The following TMEM108 variants were observed in gnomAD, a reference collection of about 807,000 sequenced individuals.
TMEM108 encodes transmembrane protein 108, also known as cancer/testis antigen 124.
TMEM108 carries 12 observed loss-of-function variants against 35.1 expected under a neutral mutation model. The ratio of observed to expected loss-of-function variants is 0.34; its 90% CI spans 0.22 to 0.55. The LOEUF is 0.55. Among genes scored for constraint, TMEM108 ranks in the 20% least tolerant of loss-of-function variants. The pLI is 0.89. For synonymous variants in TMEM108, 287 were observed against 308.6 expected, an observed-to-expected ratio of 0.93 and a Z score of 0.73; for missense variants, 680 against 753.3, an observed-to-expected ratio of 0.90 and a Z score of 1.14.
chr3:133,332,642 G>A (rs1559907421), intron 3 of TMEM108, among the ~76,000 whole-genome samples: 2 of 152,076 alleles, frequency 1.3e-5, no homozygotes, highest in Non-Finnish European at 2.9e-5. Flanking sequence ...TTAAATCTTG[G>A]GTGCTGGTAT....
intron 2 of TMEM108, among the ~76,000 whole-genome samples, chr3:133,207,375 G>A (rs1170761178): frequency 1.3e-5 from 2 of 152,056 alleles, no homozygotes; most frequent in East Asian, 1.9e-4. Context: ...GAAGTCACCC[G>A]CCTTCTGCAT....
At chr3:133,059,098 G>A (rs1489434709) in intron 2 of TMEM108, among the ~76,000 whole-genome samples, 4 of 152,150 alleles carry the variant, frequency 2.6e-5, no homozygotes, top group African/African-American at 4.8e-5. Flanking sequence ...AAAAGACAGC[G>A]GACTGGCTTT....
chr3:133,165,554 T>G (rs954517289), intron 2 of TMEM108, among the ~76,000 whole-genome samples: 1 of 152,240 alleles, frequency 6.6e-6, no homozygotes, highest in African/African-American at 2.4e-5. Flanking sequence ...AAGAAGTATT[T>G]GCAGGTTTAT....
intron 2 of TMEM108, among the ~76,000 whole-genome samples, chr3:133,215,201 G>A (rs1945888936): frequency 6.6e-6 from 1 of 151,994 alleles, no homozygotes. Flanking sequence ...TTGAGCTTAT[G>A]GCCAACAGCA....
chr3:133,275,168 A>G (rs967969290), intron 3 of TMEM108, among the ~76,000 whole-genome samples: 5 of 152,088 alleles, frequency 3.3e-5, no homozygotes, highest in African/African-American at 1.2e-4. Context: ...TGCCCACATG[A>G]CCCCAGTAAC....
chr3:133,233,915 A>G (rs1267188091), intron 3 of TMEM108, among the ~76,000 whole-genome samples: 1 of 151,614 alleles, frequency 6.6e-6, no homozygotes, highest in Non-Finnish European at 1.5e-5. Flanking sequence ...AATTTGTTTG[A>G]GTTCACTGTA....
At chr3:133,269,910 A>G (rs1402811451) in intron 3 of TMEM108, among the ~76,000 whole-genome samples, 1 of 152,178 alleles carries the variant, frequency 6.6e-6, no homozygotes, top group Non-Finnish European at 1.5e-5. Flanking sequence ...ATACTCCCAC[A>G]CCAAACCTTG....
At chr3:133,179,666 G>A (rs1212914054) in intron 2 of TMEM108, among the ~76,000 whole-genome samples, 4 of 151,964 alleles carry the variant, frequency 2.6e-5, no homozygotes, top group East Asian at 1.9e-4. Flanking sequence ...TGGGGTGGGG[G>A]GAGTGGGGAG....
At chr3:133,267,746 A>C (rs1212666267) in intron 3 of TMEM108, among the ~76,000 whole-genome samples, 1 of 152,104 alleles carries the variant, frequency 6.6e-6, no homozygotes, top group East Asian at 1.9e-4. Context: ...AAAATCTTTT[A>C]CTCATGTTGC....
intron 3 of TMEM108, among the ~76,000 whole-genome samples, chr3:133,236,464 T>A (rs769302031): frequency 1.3e-5 from 2 of 152,106 alleles, no homozygotes; most frequent in African/African-American, 4.8e-5. Context: ...ATTTGAATTA[T>A]ATGTATGTAT....
chr3:133,248,928 GCACT>G lies in TMEM108; in HGVS notation c.40+19583_40+19586del, dbSNP rs530798773. On this transcript the variant is annotated intron_variant, in intron 3 of 5. Coordinates refer to ENST00000321871, the MANE Select transcript of TMEM108 (RefSeq NM_023943.4). ...AGCCTTCATCTAGCCCTCAGAGAAT[GCACT>G]CACTCCTGCTGCTGATTAAAAGCTG... 1.8e-4 allele frequency among the ~76,000 whole-genome samples: 27 copies of G among 152,276 alleles called. No homozygotes were observed. In the South Asian group the frequency reaches 5.4e-3, roughly 30 times the overall value.
intron 3 of TMEM108, among the ~76,000 whole-genome samples, chr3:133,335,769 G>A (rs942048620): frequency 1.3e-5 from 2 of 152,126 alleles, no homozygotes; most frequent in South Asian, 4.1e-4. Flanking sequence ...ACAGTACCTG[G>A]TTTTACCTTC....
chr3:133,144,604 T>A (rs903825943), intron 2 of TMEM108, among the ~76,000 whole-genome samples: 1 of 152,204 alleles, frequency 6.6e-6, no homozygotes, highest in African/African-American at 2.4e-5. Context: ...GTAAAAGTGT[T>A]CCTATTTCTC....
chr3:133,293,342 A>G (rs901550886), intron 3 of TMEM108, among the ~76,000 whole-genome samples: 3 of 150,714 alleles, frequency 2.0e-5, no homozygotes, highest in African/African-American at 7.3e-5. Context: ...TCTTCTTTGT[A>G]TCTGTTCCCA....
chr3:133,147,778 C>A (rs571971255), intron 2 of TMEM108, among the ~76,000 whole-genome samples: 1 of 152,272 alleles, frequency 6.6e-6, no homozygotes, highest in African/African-American at 2.4e-5. Flanking sequence ...TTTGAGAAAT[C>A]TTTTCTTTGC....
chr3:133,170,590 A>C (rs1296062121), intron 2 of TMEM108, among the ~76,000 whole-genome samples: 1 of 152,234 alleles, frequency 6.6e-6, no homozygotes, highest in Non-Finnish European at 1.5e-5. Context: ...ATCCAAAAAA[A>C]AGCATTTAGG....
chr3:133,306,683 C>A (rs887519281), intron 3 of TMEM108, among the ~76,000 whole-genome samples: 1 of 152,154 alleles, frequency 6.6e-6, no homozygotes, highest in Admixed American at 6.5e-5. Flanking sequence ...CATGTCCCTG[C>A]AAAGGACATG....
chr3:133,099,373 G>A (rs1944057518), intron 2 of TMEM108, among the ~76,000 whole-genome samples: 1 of 152,190 alleles, frequency 6.6e-6, no homozygotes, highest in Non-Finnish European at 1.5e-5. Flanking sequence ...TGATGGGAGG[G>A]GCTGCCGTGA....
intron 2 of TMEM108, among the ~76,000 whole-genome samples, chr3:133,088,644 TACTTG>T (rs1345877010): frequency 6.6e-6 from 1 of 152,198 alleles, no homozygotes; most frequent in Non-Finnish European, 1.5e-5. Context: ...TGTATTTGAA[TACTTG>T]ACTTGGAATA....
Sources: gnomAD v4.1 joint callset for allele counts (sites outside exome capture counted in the v4.1 genomes callset) on GRCh38, gnomAD v4.1.1 for gene constraint, MANE v1.5 for transcripts, NCBI Gene and HGNC (gene_info 2026-07-23, HGNC 2026-07-21) for gene names.